AK8: variants seen among roughly 807,000 people sequenced by gnomAD.
AK8 encodes the protein adenylate kinase 8.
Under a neutral mutation model 54.6 loss-of-function variants are expected in AK8, and 44 were observed. The ratio of observed to expected loss-of-function variants is 0.81; its 90% CI spans 0.63 to 1.04. The LOEUF (loss-of-function observed/expected upper bound fraction) is 1.04, where lower values mean the gene tolerates loss of function less well. AK8 is among the 50% of genes least tolerant of loss of function. The pLI, the probability that AK8 is intolerant of heterozygous loss-of-function variation, is 0.00. For missense variants in AK8, 555 were observed against 613.6 expected (o/e 0.90, Z 1.01); for synonymous variants, 239 against 245.6 (o/e 0.97, Z 0.25).
chr9:132,868,777 C>A (rs965560910), intron 2 of AK8, among the ~76,000 whole-genome samples: 2 of 152,184 alleles, frequency 1.3e-5, no homozygotes, highest in African/African-American at 4.8e-5. Flanking sequence ...CCATCTCGTC[C>A]TATGGTCACT....
At chr9:132,862,225 T>C (rs944194976) in intron 4 of AK8, among the ~76,000 whole-genome samples, 1 of 151,962 alleles carries the variant, frequency 6.6e-6, no homozygotes, top group African/African-American at 2.4e-5. Flanking sequence ...TGACTTGCCG[T>C]GGGGGTGGCC....
Position 132,878,016 on chromosome 9 carries a change from G to A in AK8, c.84+156C>T. The A allele has an allele frequency of 1.4e-5, 22 of 1,525,592 alleles. No individual in the cohort carries two copies. Among genetic ancestry groups the A allele is most frequent in the Non-Finnish European group, 1.9e-5 (22 of 1,129,118 alleles). 94.5% of individuals were successfully genotyped at this position (1,525,592 alleles called of 1,614,324 possible). A position where few individuals can be genotyped will look rare whatever the true frequency, so the allele number is the denominator to read the frequency against. Reference sequence around the variant, plus strand: ...GCGTCCCCAGCTCGAGGGCCCCCTCGGGGTCACGGCGACACACGAATCGTA... The same window carrying A: ...GCGTCCCCAGCTCGAGGGCCCCCTCAGGGTCACGGCGACACACGAATCGTA... On this transcript the variant is annotated intron_variant, in intron 1 of 12. Coordinates refer to ENST00000298545, the MANE Select transcript of AK8 (RefSeq NM_152572.3). The surrounding 1 kb of genome is among the most constrained non-coding windows in gnomAD (Gnocchi z 4.7).
chr9:132,848,110 T>A (rs1422288966), intron 5 of AK8, among the ~76,000 whole-genome samples: 1 of 54,394 alleles, frequency 1.8e-5, no homozygotes, highest in Non-Finnish European at 4.8e-5. Flanking sequence ...AGCAACACCC[T>A]GTTTCAAAAA....
chr9:132,741,655 T>C (rs1167711009), intron 11 of AK8, among the ~76,000 whole-genome samples: 1 of 152,190 alleles, frequency 6.6e-6, no homozygotes, highest in African/African-American at 2.4e-5. Context: ...GTTTTTGTTT[T>C]GACATCTTTA....
chr9:132,735,555 A>G (rs73545192), intron 11 of AK8, among the ~76,000 whole-genome samples: 13 of 149,132 alleles, frequency 8.7e-5, no homozygotes, highest in African/African-American at 3.2e-4. Flanking sequence ...TTACACATTT[A>G]AAAAAAAAAC....
intron 5 of AK8, among the ~76,000 whole-genome samples, chr9:132,841,353 A>G (rs1049482265): frequency 6.6e-6 from 1 of 152,250 alleles, no homozygotes; most frequent in Non-Finnish European, 1.5e-5. Context: ...CTTTTGATGA[A>G]TAATAAAATT....
intron 4 of AK8, among the ~76,000 whole-genome samples, chr9:132,859,662 C>G (rs1011163407): frequency 7.2e-5 from 11 of 151,910 alleles, no homozygotes; most frequent in African/African-American, 2.4e-4. Flanking sequence ...CCTCCCCCTC[C>G]TCGACCCGGG....
chr9:132,833,633 C>T (rs1842197205), intron 5 of AK8, among the ~76,000 whole-genome samples: 1 of 152,152 alleles, frequency 6.6e-6, no homozygotes. Context: ...TCAGGGCACT[C>T]CAGGCACCAG....
rs572342487 is a variant in AK8 at position 132,771,536 on chromosome 9, C to T, written c.1121+21098G>A. On this transcript the variant is annotated intron_variant, in intron 11 of 12. Transcript: ENST00000298545. ...AGGGGTCCTTCATGGACTGAAAGGG[C>T]GCCTCTTGTAAAGAAACAAACCCCA... is the stretch of plus-strand genomic sequence containing the variant. Among the ~76,000 whole-genome samples, 8 of 152,254 alleles carry T rather than the reference C, an allele frequency of 5.3e-5. No individual in the cohort carries two copies. The South Asian group carries it at 6.2e-4, about 12-fold the overall frequency.
In AK8 at chr9:132,814,641, C is replaced by T. The variant is rs1259551834; in HGVS notation, c.976G>A (p.Ala326Thr). The T allele has an allele frequency of 6.2e-7, 1 of 1,613,712 alleles. No individual in the cohort carries two copies. Among genetic ancestry groups the T allele is most frequent in the East Asian group, 2.2e-5 (1 of 44,874 alleles). ...AGTTAGTGGGAACGTGGCCTACCTG[C>T]CATCTCCTTTTCAAAGAAGGGCTGG... ...LIQPFFEKEM[A>T]VPDSLLMKVL... is the part of the protein sequence containing the mutation. Residue 326 changes from alanine (A) to threonine (T), a missense_variant, in exon 10 of 13, where the codon GCA becomes ACA. Transcript: ENST00000298545.
chr9:132,785,187 C>A (rs549484556), intron 11 of AK8, among the ~76,000 whole-genome samples: 3 of 151,792 alleles, frequency 2.0e-5, no homozygotes, highest in Non-Finnish European at 4.4e-5. Flanking sequence ...TCACTGCAAC[C>A]TCTGCCTCCC....
chr9:132,818,925 A>C (rs2131275066), intron 9 of AK8, among the ~76,000 whole-genome samples: 1 of 152,362 alleles, frequency 6.6e-6, no homozygotes, highest in African/African-American at 2.4e-5. Context: ...AGATAGTTTA[A>C]AAGAAAAAGA....
chr9:132,858,800 G>A, intron 4 of AK8, among the ~76,000 whole-genome samples: 1 of 152,156 alleles, frequency 6.6e-6, no homozygotes, highest in South Asian at 2.1e-4. Context: ...ACAAGAGGAG[G>A]GAGGAGAGAG....
chr9:132,776,586 G>A (rs1839229868), intron 11 of AK8, among the ~76,000 whole-genome samples: 1 of 152,236 alleles, frequency 6.6e-6, no homozygotes, highest in Non-Finnish European at 1.5e-5. Context: ...AGCTGTGCCA[G>A]CAGAGCTCTG....
rs201193167 is a variant in AK8 at position 132,878,180 on chromosome 9, A to T, written c.76T>A (p.Leu26Met). ...CAGGGGTGTCCGGTCACCTGCATCA[A>T]CTCGAAGATGTGGTTCTCCTCCCCG... ...QYGEENHIFE[L>M]MQNMLEQLLI... Residue 26 changes from leucine to methionine, a missense_variant, in exon 1 of 13, where the codon TTG (leucine) becomes ATG (methionine). Coordinates refer to ENST00000298545, the MANE Select transcript of AK8 (RefSeq NM_152572.3). This position sits in a 1 kb window ranked among gnomAD's most constrained non-coding sequence, Gnocchi z 4.7. 2.0e-6 allele frequency: 3 copies of T among 1,482,080 alleles called. No individual in the cohort carries two copies. The highest frequency in any genetic ancestry group is 2.7e-6 in the Non-Finnish European group (3 of 1,114,024). 91.8% of individuals were successfully genotyped at this position (1,482,080 alleles called of 1,614,324 possible). A position where few individuals can be genotyped will look rare whatever the true frequency, so the allele number is the denominator to read the frequency against.
At chr9:132,822,957 G>A (rs1186317330) in intron 9 of AK8, among the ~76,000 whole-genome samples, 2 of 152,196 alleles carry the variant, frequency 1.3e-5, no homozygotes, top group Admixed American at 1.3e-4. Flanking sequence ...ACTGAAAAAT[G>A]TTCTGTCTCT....
intron 10 of AK8, 36 bp from the exon 11 acceptor site, chr9:132,792,811 C>A (rs771079045): frequency 4.5e-6 from 7 of 1,541,250 alleles, no homozygotes; most frequent in Non-Finnish European, 6.1e-6. Context: ...ACCCTGCTGG[C>A]CGGCAGCCCA....
At chr9:132,766,525 A>G (rs985669497) in intron 11 of AK8, among the ~76,000 whole-genome samples, 4 of 152,250 alleles carry the variant, frequency 2.6e-5, no homozygotes, top group African/African-American at 9.6e-5. Context: ...AAGACATTCC[A>G]TGTTCATGGA....
intron 11 of AK8, among the ~76,000 whole-genome samples, chr9:132,744,225 C>T (rs1331882413): frequency 2.0e-5 from 3 of 152,166 alleles, no homozygotes; most frequent in Non-Finnish European, 4.4e-5. Context: ...AAAGACCCTT[C>T]GTCCCCAATC....
Sources: allele counts gnomAD v4.1 joint callset (sites outside exome capture counted in the v4.1 genomes callset), GRCh38; gene constraint gnomAD v4.1.1; non-coding constraint Gnocchi (gnomAD v3.1); transcripts MANE v1.5; gene names NCBI Gene and HGNC (gene_info 2026-07-23, HGNC 2026-07-21).